TTC23: variants seen among roughly 807,000 people sequenced by gnomAD.
The protein encoded by TTC23 is tetratricopeptide repeat protein 23.
A neutral mutation model predicts 55.1 loss-of-function variants in TTC23; 58 were observed. That is an observed-to-expected ratio of 1.05 (90% CI 0.85 to 1.31). The LOEUF is 1.31. Among genes scored for constraint, TTC23 ranks in the 50% most tolerant of loss-of-function variants. The pLI is 0.00. For synonymous variants in TTC23, 203 were observed against 199.9 expected (o/e 1.02, Z -0.13); for missense variants, 516 against 534.4 (o/e 0.97, Z 0.34).
intron 9 of TTC23, among the ~76,000 whole-genome samples, chr15:99,196,563 T>A (rs2151981586): frequency 6.6e-6 from 1 of 152,334 alleles, no homozygotes; most frequent in South Asian, 2.1e-4. Flanking sequence ...AAAGCTGGAC[T>A]CTTCCTGGAG....
At chr15:99,147,713 A>T (rs1159364033) in intron 12 of TTC23, among the ~76,000 whole-genome samples, 1 of 152,144 alleles carries the variant, frequency 6.6e-6, no homozygotes, top group Non-Finnish European at 1.5e-5. Flanking sequence ...CCCTCTCTTT[A>T]AAAAAGGTGG....
At chr15:99,173,899 C>T (rs575514103) in intron 10 of TTC23, among the ~76,000 whole-genome samples, 4 of 152,294 alleles carry the variant, frequency 2.6e-5, no homozygotes, top group East Asian at 1.9e-4. Flanking sequence ...TTGTGACTTG[C>T]TATTCTAGGA....
At position 99,199,901 on chromosome 15, in the gene TTC23, C is replaced by T. The variant is rs1290833583; in HGVS notation, c.759+18G>A. ...TTGGGCCTAGAACAGCTTTGGTAGC[C>T]AGGACCTTGTAGCTTACCTGGAGGA... On this transcript the variant is annotated intron_variant, in intron 9 of 13. Coordinates refer to ENST00000394132, the MANE Select transcript of TTC23 (RefSeq NM_001288615.3). The T allele has an allele frequency of 6.2e-6, 10 of 1,604,700 alleles. No homozygotes were observed. Among genetic ancestry groups the T allele is most frequent in the Non-Finnish European group, 8.5e-6 (10 of 1,175,734 alleles).
intron 12 of TTC23, among the ~76,000 whole-genome samples, chr15:99,152,757 G>T (rs150499033): frequency 2.0e-5 from 3 of 151,972 alleles, no homozygotes; most frequent in Non-Finnish European, 4.4e-5. Flanking sequence ...TAATATACAC[G>T]AATCACTTAA....
intron 9 of TTC23, among the ~76,000 whole-genome samples, chr15:99,187,977 A>T (rs2074879826): frequency 6.6e-6 from 1 of 152,044 alleles, no homozygotes; most frequent in Admixed American, 6.6e-5. Context: ...ATGATTCAGC[A>T]ATTCCACTTA....
rs1202465498 is a variant in TTC23 at position 99,156,002 on chromosome 15, T to C, written c.1143+146A>G. 8 of 1,066,010 alleles carry C rather than the reference T, an allele frequency of 7.5e-6. No homozygotes were observed. The East Asian group carries it at 1.8e-4, about 24-fold the overall frequency. The allele number at this position is 1,066,010 out of a possible 1,614,324, so 66.0% of individuals were successfully genotyped here. A position where few individuals can be genotyped will look rare whatever the true frequency, so the allele number is the denominator to read the frequency against. On this transcript the variant is annotated intron_variant, in intron 12 of 13. Transcript: ENST00000394132. Reference sequence around the variant, plus strand: ...TGTCTTTTACCCAAAAAGTATCAGGTTAGATCTACCACAAAAGTGATGTCA... The same window carrying C: ...TGTCTTTTACCCAAAAAGTATCAGGCTAGATCTACCACAAAAGTGATGTCA...
chr15:99,237,207 C>A (rs1007124849), intron 3 of TTC23, among the ~76,000 whole-genome samples: 1 of 152,096 alleles, frequency 6.6e-6, no homozygotes, highest in African/African-American at 2.4e-5. Flanking sequence ...GTCTCAAACT[C>A]CTGACCTTAA....
intron 3 of TTC23, among the ~76,000 whole-genome samples, chr15:99,239,985 T>C (rs1405729787): frequency 6.6e-6 from 1 of 152,206 alleles, no homozygotes; most frequent in Non-Finnish European, 1.5e-5. Context: ...GGTCTTCTCA[T>C]AATTTGGGGG....
chr15:99,222,339 A>G (rs766266383), intron 5 of TTC23, among the ~76,000 whole-genome samples: 3 of 152,096 alleles, frequency 2.0e-5, no homozygotes, highest in Admixed American at 1.3e-4. Flanking sequence ...CAATGGCACG[A>G]TATCAGCTCA....
intron 9 of TTC23, among the ~76,000 whole-genome samples, chr15:99,178,400 C>G (rs1385798398): frequency 6.6e-6 from 1 of 152,186 alleles, no homozygotes; most frequent in Admixed American, 6.5e-5. Context: ...GACGGGGGAA[C>G]ACCCAGGATG....
chr15:99,169,556 G>C (rs1369419125), intron 10 of TTC23, among the ~76,000 whole-genome samples: 2 of 152,172 alleles, frequency 1.3e-5, no homozygotes, highest in African/African-American at 2.4e-5. Context: ...GGAACACACG[G>C]GGCCCAAGGA....
intron 9 of TTC23, among the ~76,000 whole-genome samples, chr15:99,176,569 T>C (rs544139350): frequency 6.6e-6 from 1 of 152,078 alleles, no homozygotes; most frequent in South Asian, 2.1e-4. Context: ...GTTATGATTA[T>C]GCCACTGCAC....
intron 10 of TTC23, among the ~76,000 whole-genome samples, chr15:99,168,381 C>A (rs962495600): frequency 6.6e-6 from 1 of 152,192 alleles, no homozygotes; most frequent in Non-Finnish European, 1.5e-5. Context: ...GACCAGCCCC[C>A]CTCCATGACC....
At position 99,200,071 on chromosome 15, in the gene TTC23, T is replaced by G. The variant is rs575470093; in HGVS notation, c.607A>C (p.Lys203Gln). The G allele has an allele frequency of 1.2e-6, 2 of 1,611,834 alleles. No homozygotes were observed. The highest frequency in any genetic ancestry group is 1.7e-6 in the Non-Finnish European group (2 of 1,178,836). ...GCTTGATAGTGGGACAAAGCTTCTT[T>G]TGACTTCTTCTGACCTTGATACACC... Reference protein sequence around the residue: ...AQVYQGQKKSKEALSHYQAAL... With the variant: ...AQVYQGQKKSQEALSHYQAAL... Residue 203 changes from lysine to glutamine, a missense_variant, in exon 9 of 14, where the codon AAA (lysine) becomes CAA (glutamine). By Grantham distance (53) the Lys-to-Gln change is moderately conservative (BLOSUM62 1). Coordinates refer to ENST00000394132, the MANE Select transcript of TTC23 (RefSeq NM_001288615.3).
At chr15:99,236,307 T>C (rs1465238986) in intron 3 of TTC23, among the ~76,000 whole-genome samples, 1 of 152,078 alleles carries the variant, frequency 6.6e-6, no homozygotes, top group East Asian at 1.9e-4. Flanking sequence ...ACTTATTTTC[T>C]TTTTTTAATA....
chr15:99,148,072 A>G (rs1555494848), intron 12 of TTC23, among the ~76,000 whole-genome samples: 1 of 151,868 alleles, frequency 6.6e-6, no homozygotes, highest in African/African-American at 2.4e-5. Flanking sequence ...ACCACATAAG[A>G]CCTTCCTAGG....
intron 3 of TTC23, among the ~76,000 whole-genome samples, chr15:99,240,790 C>T (rs2079717347): frequency 6.6e-6 from 1 of 152,214 alleles, no homozygotes; most frequent in Admixed American, 6.5e-5. Flanking sequence ...TAATCTAAAG[C>T]ACCACTGACT....
intron 11 of TTC23, chr15:99,157,456 C>T (rs927030245): frequency 3.3e-5 from 5 of 152,168 alleles, no homozygotes; most frequent in African/African-American, 1.2e-4. Flanking sequence ...AAGTGATCCA[C>T]CCACCTTGGC....
intron 8 of TTC23, among the ~76,000 whole-genome samples, chr15:99,215,265 C>T (rs1567507651): frequency 6.6e-6 from 1 of 151,988 alleles, no homozygotes; most frequent in Non-Finnish European, 1.5e-5. Flanking sequence ...CAAATATTGT[C>T]TGTAGTATAA....
Sources: allele counts gnomAD v4.1 joint callset (sites outside exome capture counted in the v4.1 genomes callset), GRCh38; gene constraint gnomAD v4.1.1; transcripts MANE v1.5; gene names NCBI Gene and HGNC (gene_info 2026-07-23, HGNC 2026-07-21).